Variants in SAMD12 observed in about 807,000 individuals in gnomAD.
SAMD12 encodes the protein sterile alpha motif domain containing 12.
SAMD12 carries 9 observed loss-of-function variants against 15.0 expected under a neutral mutation model. That is an observed-to-expected ratio of 0.60 (90% CI 0.36 to 1.05). SAMD12 has a LOEUF of 1.05. SAMD12 is among the 50% of genes least tolerant of loss of function. SAMD12 has a pLI of 0.01. For missense variants in SAMD12, 230 were observed against 234.2 expected (o/e 0.98, Z 0.12); for synonymous variants, 86 against 90.1 (o/e 0.96, Z 0.25).
At chr8:118,231,137 T>C (rs1020918504) in intron 4 of SAMD12, among the ~76,000 whole-genome samples, 8 of 152,104 alleles carry the variant, frequency 5.3e-5, no homozygotes, top group Non-Finnish European at 1.2e-4. Flanking sequence ...TGAAATAACA[T>C]AAATGCACCC....
At chr8:118,332,522 C>T (rs1816853249) in intron 4 of SAMD12, among the ~76,000 whole-genome samples, 1 of 152,178 alleles carries the variant, frequency 6.6e-6, no homozygotes, top group Non-Finnish European at 1.5e-5. Context: ...ACTGATTACT[C>T]TTTACAATTG....
intron 2 of SAMD12, among the ~76,000 whole-genome samples, chr8:118,510,815 T>C (rs1271144768): frequency 1.3e-5 from 2 of 152,232 alleles, no homozygotes; most frequent in African/African-American, 2.4e-5. Flanking sequence ...TATCAAGAGC[T>C]TGGCTCAACA....
the SAMD12 span, among the ~76,000 whole-genome samples, chr8:118,155,788 G>A: frequency 6.6e-6 from 1 of 152,254 alleles, no homozygotes; most frequent in Non-Finnish European, 1.5e-5. Flanking sequence ...AAAAGGAAAT[G>A]GTATGTGTCC....
chr8:118,397,748 C>A (rs1207796340), intron 3 of SAMD12, among the ~76,000 whole-genome samples: 1 of 151,978 alleles, frequency 6.6e-6, no homozygotes, highest in East Asian at 1.9e-4. Context: ...TGGGTAGGTT[C>A]AACTATTATC....
intron 4 of SAMD12, among the ~76,000 whole-genome samples, chr8:118,355,497 G>A (rs1818186025): frequency 6.6e-6 from 1 of 152,084 alleles, no homozygotes; most frequent in Non-Finnish European, 1.5e-5. Context: ...AATACCAGCT[G>A]TTCTCCAAAA....
At chr8:118,372,318 G>A (rs1026355585) in intron 4 of SAMD12, among the ~76,000 whole-genome samples, 3 of 152,076 alleles carry the variant, frequency 2.0e-5, no homozygotes, top group Admixed American at 6.6e-5. Flanking sequence ...GAATAAATGA[G>A]TTAACAGTAA....
At chr8:118,412,294 T>A (rs1037313945) in intron 3 of SAMD12, among the ~76,000 whole-genome samples, 5 of 152,192 alleles carry the variant, frequency 3.3e-5, no homozygotes, top group African/African-American at 1.2e-4. Flanking sequence ...ACCTAAGGAA[T>A]GGCATCTTAT....
the SAMD12 span, among the ~76,000 whole-genome samples, chr8:118,146,585 C>T: frequency 6.6e-6 from 1 of 152,188 alleles, no homozygotes; most frequent in East Asian, 1.9e-4. Flanking sequence ...TTCATTATCA[C>T]CCATTGCTCG....
chr8:118,361,075 C>CTCTA (rs775695504), intron 4 of SAMD12, among the ~76,000 whole-genome samples: 13 of 152,152 alleles, frequency 8.5e-5, no homozygotes, highest in Non-Finnish European at 1.3e-4. Context: ...CTACCCCCTG[C>CTCTA]TCTAGCAAAA....
intron 2 of SAMD12, among the ~76,000 whole-genome samples, chr8:118,497,743 G>GA (rs57075448): frequency 0.4 from 45,931 of 114,870 alleles, 9,412 homozygotes; most frequent in East Asian, 0.6. Flanking sequence ...TGGGGGGAAA[G>GA]AAAAAAAAAA....
At chr8:118,281,979 T>G (rs1402064917) in intron 4 of SAMD12, among the ~76,000 whole-genome samples, 2 of 152,200 alleles carry the variant, frequency 1.3e-5, no homozygotes, top group African/African-American at 4.8e-5. Context: ...TCTGCAGAAA[T>G]GAGCTCAATA....
At chr8:118,240,757 G>T (rs935866374) in intron 4 of SAMD12, among the ~76,000 whole-genome samples, 1 of 145,362 alleles carries the variant, frequency 6.9e-6, no homozygotes, top group Non-Finnish European at 1.5e-5. Flanking sequence ...TATGCAAAAG[G>T]AATTTTTTTA....
intron 4 of SAMD12, among the ~76,000 whole-genome samples, chr8:118,228,103 T>A (rs1227729831): frequency 1.3e-5 from 2 of 152,158 alleles, no homozygotes; most frequent in African/African-American, 4.8e-5. Flanking sequence ...TGAAACTGGA[T>A]CCTCATCTCT....
intron 2 of SAMD12, among the ~76,000 whole-genome samples, chr8:118,539,528 C>T (rs1367907572): frequency 6.6e-6 from 1 of 152,108 alleles, no homozygotes; most frequent in Non-Finnish European, 1.5e-5. Context: ...AGTGGACACT[C>T]TTGGGAGTTT....
intron 4 of SAMD12, among the ~76,000 whole-genome samples, chr8:118,274,244 A>T (rs1813425644): frequency 6.6e-6 from 1 of 152,188 alleles, no homozygotes; most frequent in African/African-American, 2.4e-5. Flanking sequence ...AAAATAAAAT[A>T]GGAGAATTTG....
chr8:118,209,975 C>T (rs1819973294), intron 4 of SAMD12, among the ~76,000 whole-genome samples: 2 of 152,214 alleles, frequency 1.3e-5, no homozygotes, highest in African/African-American at 2.4e-5. Flanking sequence ...ATTACCAAAC[C>T]TCTTAGCCAA....
chr8:118,226,016 A>G (rs1279393487), intron 4 of SAMD12, among the ~76,000 whole-genome samples: 3 of 152,200 alleles, frequency 2.0e-5, no homozygotes, highest in South Asian at 2.1e-4. Flanking sequence ...ACAGAGATGC[A>G]TATGTACACA....
intron 4 of SAMD12, among the ~76,000 whole-genome samples, chr8:118,238,227 A>G (rs1041377892): frequency 6.6e-6 from 1 of 152,128 alleles, no homozygotes; most frequent in African/African-American, 2.4e-5. Context: ...CTGACATTTT[A>G]CCAGTGTTTG....
chr8:118,341,843 A>T (rs1817381130), intron 4 of SAMD12, among the ~76,000 whole-genome samples: 1 of 152,270 alleles, frequency 6.6e-6, no homozygotes, highest in African/African-American at 2.4e-5. Flanking sequence ...ATAAACATTT[A>T]TATTTTAAAT....
Sources: gnomAD v4.1 joint callset for allele counts (sites outside exome capture counted in the v4.1 genomes callset) on GRCh38, gnomAD v4.1.1 for gene constraint, MANE v1.5 for transcripts, NCBI Gene and HGNC (gene_info 2026-07-23, HGNC 2026-07-21) for gene names.